STK39: variants seen among roughly 807,000 people sequenced by gnomAD.
STK39 encodes the protein STE20/SPS1-related proline-alanine-rich protein kinase.
Under a neutral mutation model 77.8 loss-of-function variants are expected in STK39, and 20 were observed. That is an observed-to-expected ratio of 0.26 (90% confidence interval 0.18 to 0.37). STK39 has a LOEUF of 0.37. Among genes scored for constraint, STK39 ranks in the 10% least tolerant of loss-of-function variants. The pLI is 1.00. For missense variants in STK39, 479 were observed against 656.5 expected, an observed-to-expected ratio of 0.73 and a Z score of 2.95; for synonymous variants, 246 against 234.1, an observed-to-expected ratio of 1.05 and a Z score of -0.47.
At chr2:168,142,484 T>C (rs943623715) in intron 5 of STK39, among the ~76,000 whole-genome samples, 4 of 152,152 alleles carry the variant, frequency 2.6e-5, no homozygotes, top group Non-Finnish European at 2.9e-5. Context: ...TTAAATGCAA[T>C]TGAAGCAACT....
chr2:168,239,106 C>T lies in STK39; in HGVS notation c.208+8122G>A, dbSNP rs1574585141. Reference sequence around the variant, plus strand: ...AAAAATAGAACTCCTGCCATCCTAACAACCTTTGAAAGCCACTTGTTCTGC... The same window carrying T: ...AAAAATAGAACTCCTGCCATCCTAATAACCTTTGAAAGCCACTTGTTCTGC... On this transcript the variant is annotated intron_variant, in intron 1 of 17. Transcript: ENST00000355999. Among the ~76,000 whole-genome samples, 3 of 152,338 alleles carry T rather than the reference C, an allele frequency of 2.0e-5. No homozygotes were observed. In the Middle Eastern group the frequency reaches 0.01, roughly 518 times the overall value.
chr2:167,960,816 G>A (rs144867678), intron 17 of STK39, among the ~76,000 whole-genome samples: 2 of 152,248 alleles, frequency 1.3e-5, no homozygotes, highest in East Asian at 1.9e-4. Flanking sequence ...GTCTATCCCA[G>A]TGCTTCCCAG....
intron 10 of STK39, among the ~76,000 whole-genome samples, chr2:168,088,061 G>A (rs572742694): frequency 4.2e-5 from 5 of 118,656 alleles, no homozygotes; most frequent in East Asian, 2.9e-4. Flanking sequence ...TTAATGACCC[G>A]AGAAAAAACC....
At chr2:168,096,474 G>C (rs927849886) in intron 10 of STK39, among the ~76,000 whole-genome samples, 1 of 152,106 alleles carries the variant, frequency 6.6e-6, no homozygotes, top group African/African-American at 2.4e-5. Context: ...CCACAACTTA[G>C]TATGTGTTCA....
intron 10 of STK39, among the ~76,000 whole-genome samples, chr2:168,104,347 GC>G (rs1311758721): frequency 6.6e-6 from 1 of 151,928 alleles, no homozygotes; most frequent in Non-Finnish European, 1.5e-5. Context: ...CAAAACACTG[GC>G]CTAGTCATCA....
intron 1 of STK39, among the ~76,000 whole-genome samples, chr2:168,191,970 G>A (rs1169057769): frequency 6.6e-6 from 1 of 152,064 alleles, no homozygotes; most frequent in Non-Finnish European, 1.5e-5. Flanking sequence ...ACAGGGCTGG[G>A]ACCCTGACCT....
intron 14 of STK39, among the ~76,000 whole-genome samples, chr2:168,045,181 A>T (rs969834101): frequency 2.6e-5 from 4 of 152,258 alleles, no homozygotes; most frequent in African/African-American, 4.8e-5. Context: ...GGTTAAAAAA[A>T]AAATCAAGTT....
intron 8 of STK39, among the ~76,000 whole-genome samples, chr2:168,131,975 A>T (rs1371992410): frequency 1.3e-5 from 2 of 152,178 alleles, no homozygotes; most frequent in Non-Finnish European, 2.9e-5. Flanking sequence ...GACATAAATA[A>T]TCCTCCAACA....
intron 16 of STK39, among the ~76,000 whole-genome samples, chr2:167,995,746 G>C (rs1683822634): frequency 6.6e-6 from 1 of 152,178 alleles, no homozygotes; most frequent in Non-Finnish European, 1.5e-5. Context: ...ATGGATTTAG[G>C]CTCGGTATAA....
chr2:168,117,275 T>C (rs1371378952), intron 10 of STK39, among the ~76,000 whole-genome samples: 3 of 152,220 alleles, frequency 2.0e-5, no homozygotes, highest in Non-Finnish European at 4.4e-5. Context: ...ATCTTAACTA[T>C]TCTTCTTTAA....
At chr2:167,964,540 T>C (rs1044307078) in intron 17 of STK39, 122 bp downstream of exon 17, 1 of 934,364 alleles carries the variant, frequency 1.1e-6, no homozygotes, top group East Asian at 2.6e-5. Context: ...AATGCAAAAA[T>C]TGATTCTAAA....
chr2:167,968,958 A>G (rs1426195028), intron 16 of STK39, among the ~76,000 whole-genome samples: 1 of 152,200 alleles, frequency 6.6e-6, no homozygotes, highest in Admixed American at 6.5e-5. Context: ...ACTGTAGCAC[A>G]GTGTATAAGA....
At chr2:168,138,267 G>T in intron 7 of STK39, 46 bp from the exon 8 acceptor site, 1 of 1,568,200 alleles carries the variant, frequency 6.4e-7, no homozygotes, top group Non-Finnish European at 8.7e-7. Flanking sequence ...TATAGCAATT[G>T]CTACAATCTA....
intron 10 of STK39, among the ~76,000 whole-genome samples, chr2:168,090,556 A>G (rs571029886): frequency 3.3e-5 from 5 of 152,270 alleles, no homozygotes; most frequent in African/African-American, 1.2e-4. Flanking sequence ...TCAACAGAAA[A>G]CCTTGCTCTG....
At chr2:168,161,717 G>C in intron 5 of STK39, 70 bp downstream of exon 5, 1 of 1,104,582 alleles carries the variant, frequency 9.1e-7, no homozygotes, top group Non-Finnish European at 1.3e-6. Context: ...TCTCAGGAAT[G>C]ATTCTACATT....
At chr2:168,013,223 A>T (rs1385600436) in intron 15 of STK39, among the ~76,000 whole-genome samples, 1 of 152,242 alleles carries the variant, frequency 6.6e-6, no homozygotes, top group Non-Finnish European at 1.5e-5. Flanking sequence ...CTCCTTTAAC[A>T]TGACACTGAT....
rs1278580640 is a variant in STK39 at position 168,223,460 on chromosome 2, G to A, written c.208+23768C>T. On this transcript the variant is annotated intron_variant, in intron 1 of 17. Coordinates refer to ENST00000355999, the MANE Select transcript of STK39 (RefSeq NM_013233.3). ...CAGGAGGCAGAAGTTGTGGTGAGCC[G>A]AGATTGCGCCACTGCACTCCAGTCT... Among the ~76,000 whole-genome samples, 11 of 145,820 alleles carry A rather than the reference G, an allele frequency of 7.5e-5. No individual in the cohort carries two copies. In the East Asian group the frequency reaches 9.9e-4, roughly 13 times the overall value.
chr2:168,228,745 C>A (rs573328131), intron 1 of STK39, among the ~76,000 whole-genome samples: 2 of 152,038 alleles, frequency 1.3e-5, no homozygotes, highest in South Asian at 4.1e-4. Flanking sequence ...GCCGAGATTG[C>A]GCCATTGCAC....
In STK39 at chr2:167,955,318, G is replaced by T; in HGVS notation, c.*178C>A. ...TAAAGCAGAACTCGGAGTGTTGTAA[G>T]TTTTAAAAAATTATTTTTTTATCCC... On this transcript the variant is annotated 3_prime_UTR_variant, in exon 18 of 18. Transcript: ENST00000355999. 1.7e-6 allele frequency: 1 copy of T among 583,408 alleles called. No homozygotes were observed. Among genetic ancestry groups the T allele is most frequent in the Non-Finnish European group, 3.0e-6 (1 of 332,312 alleles). 36.1% of individuals were successfully genotyped at this position (583,408 alleles called of 1,614,324 possible).
Sources: allele counts gnomAD v4.1 joint callset (sites outside exome capture counted in the v4.1 genomes callset), GRCh38; gene constraint gnomAD v4.1.1; transcripts MANE v1.5; gene names NCBI Gene and HGNC (gene_info 2026-07-23, HGNC 2026-07-21).